The following ACSM5 variants were observed in gnomAD, a reference collection of about 807,000 sequenced individuals.
ACSM5 encodes acyl-CoA synthetase medium chain family member 5, also known as acyl-coenzyme A synthetase ACSM5, mitochondrial.
A neutral mutation model predicts 71.6 loss-of-function variants in ACSM5; 56 were observed. That is an observed-to-expected ratio of 0.78 (90% confidence interval 0.63 to 0.98). The LOEUF (loss-of-function observed/expected upper bound fraction) is 0.98. Among genes scored for constraint, ACSM5 ranks in the 50% least tolerant of loss-of-function variants. ACSM5 has a pLI of 0.00. For synonymous variants in ACSM5, 285 were observed against 281.5 expected (o/e 1.01, Z -0.12); for missense variants, 723 against 726.0 (o/e 1.00, Z 0.05).
Position 20,436,979 on chromosome 16 carries a change from G to C in ACSM5, c.1309-73G>C, listed in dbSNP as rs866678445. On this transcript the variant is annotated intron_variant, in intron 10 of 13. Transcript: ENST00000331849. The stretch of plus-strand genomic sequence containing the variant: ...TGAGTGGTCTCCAGCTTCCTACAGG[G>C]GGCTACTGGGGCAGTAACTGGCCTT... 1.3e-4 allele frequency: 192 copies of C among 1,526,452 alleles called. 1 individual carries two copies. The Middle Eastern group carries it at 4.5e-3, about 36-fold the overall frequency. 94.6% of individuals were successfully genotyped at this position (1,526,452 alleles called of 1,614,324 possible).
intron 4 of ACSM5, among the ~76,000 whole-genome samples, chr16:20,420,225 G>C (rs1398970940): frequency 6.6e-6 from 1 of 152,154 alleles, no homozygotes; most frequent in Admixed American, 6.5e-5. Context: ...CTGCTGTTTT[G>C]AATACAGATG....
chr16:20,419,385 G>T lies in ACSM5; in HGVS notation c.573G>T (p.Leu191=), dbSNP rs1380887416. The change falls in exon 4 of 14, where the codon CTG becomes CTT. Residue 191 remains leucine, a synonymous_variant. Transcript: ENST00000331849. ...AECPSLQTKL[L]VSDSSRPGWL... ...GCCCCTCCCTCCAGACCAAGCTGCT[G>T]GTGTCAGACAGCAGTCGGCCAGGCT... 1.2e-6 allele frequency: 2 copies of T among 1,614,200 alleles called. No individual in the cohort carries two copies. Among genetic ancestry groups the T allele is most frequent in the Non-Finnish European group, 1.7e-6 (2 of 1,180,026 alleles).
Position 20,420,453 on chromosome 16 carries a change from AG to A in ACSM5, c.624-804del, listed in dbSNP as rs1177748105. Among the ~76,000 whole-genome samples, 11 of 152,300 alleles carry A rather than the reference AG, an allele frequency of 7.2e-5. No homozygotes were observed. The East Asian group carries it at 2.1e-3, about 29-fold the overall frequency. ...CCGTCTCTACTAAAAATACAAAATT[AG>A]CTGGGCGTGGTGGCGCACGCCTATA... On this transcript the variant is annotated intron_variant, in intron 4 of 13. Coordinates refer to ENST00000331849, the MANE Select transcript of ACSM5 (RefSeq NM_017888.3).
chr16:20,420,154 G>A (rs913845325), intron 4 of ACSM5, among the ~76,000 whole-genome samples: 2 of 152,130 alleles, frequency 1.3e-5, no homozygotes, highest in African/African-American at 4.8e-5. Context: ...GCCTCTCAGG[G>A]GCCTGAACCA....
Position 20,419,432 on chromosome 16 carries a change from T to C in ACSM5, c.620T>C (p.Leu207Pro). 1 of 1,614,026 alleles carries C rather than the reference T, an allele frequency of 6.2e-7. No homozygotes were observed. Among genetic ancestry groups the C allele is most frequent in the Non-Finnish European group, 8.5e-7 (1 of 1,179,918 alleles). Residue 207 changes from leucine to proline, a missense_variant, in exon 4 of 14, where the codon CTC (leucine) becomes CCC (proline). Transcript: ENST00000331849. ...RPGWLNFREL[L>P]REASTEHNCM... The stretch of plus-strand genomic sequence containing the variant: ...GGCTGGTTGAACTTCAGGGAACTCC[T>C]CCGGTGAATTGGGGCTCTCCAGAAC...
intron 6 of ACSM5, among the ~76,000 whole-genome samples, chr16:20,426,551 GT>G (rs1327868946): frequency 1.3e-5 from 2 of 152,170 alleles, no homozygotes; most frequent in African/African-American, 2.4e-5. Context: ...TGGTGTATAT[GT>G]ACAATGGAAT....
In ACSM5 at chr16:20,418,213, T is replaced by C. The variant is rs776437744; in HGVS notation, c.359T>C (p.Leu120Pro). 6.2e-7 allele frequency: 1 copy of C among 1,612,606 alleles called. No homozygotes were observed. The highest frequency in any genetic ancestry group is 8.5e-7 in the Non-Finnish European group (1 of 1,179,850). ...CGLQPGDRMMLVLPRLPEWWL... is the reference protein window; with the variant it reads ...CGLQPGDRMMPVLPRLPEWWL... ...CTGCAGCCTGGGGACAGAATGATGC[T>C]GGTACTCCCACGGCTCCCGGAGTGG... The change falls in exon 3 of 14, where the codon CTG becomes CCG. Residue 120 changes from leucine (L) to proline (P), a missense_variant. Coordinates refer to ENST00000331849, the MANE Select transcript of ACSM5 (RefSeq NM_017888.3).
chr16:20,420,588 G>A (rs1054636898), intron 4 of ACSM5, among the ~76,000 whole-genome samples: 13 of 151,990 alleles, frequency 8.6e-5, no homozygotes, highest in African/African-American at 2.7e-4. Context: ...CAACAAAAGC[G>A]AAACACCATC....
chr16:20,429,662 T>C lies in ACSM5; in HGVS notation c.1002-16T>C. 6.2e-7 allele frequency: 1 copy of C among 1,613,750 alleles called. No homozygotes were observed. Among genetic ancestry groups the C allele is most frequent in the Non-Finnish European group, 8.5e-7 (1 of 1,179,824 alleles). On this transcript the variant is annotated splice_polypyrimidine_tract_variant and intron_variant, in intron 7 of 13. Coordinates refer to ENST00000331849, the MANE Select transcript of ACSM5 (RefSeq NM_017888.3). ...AGATCCTGACATAGGTGGCCTTGTT[T>C]TCCTGTCTGAGAAAGGTACCAGTTT...
chr16:20,431,369 G>A (rs372936210), intron 10 of ACSM5, 48 bp downstream of exon 10: 8 of 1,435,078 alleles, frequency 5.6e-6, no homozygotes, highest in Non-Finnish European at 6.9e-6. Context: ...TGTGTGCTAA[G>A]CATTGTGCAC....
At position 20,419,531 on chromosome 16, in the gene ACSM5, C is replaced by T. The variant is rs1026329530; in HGVS notation, c.623+96C>T. ...CATTGCTGATTCCACACATAGAGAG[C>T]GAATCAGAGAGGAGCACTCCCATTG... On this transcript the variant is annotated intron_variant, in intron 4 of 13. Coordinates refer to ENST00000331849, the MANE Select transcript of ACSM5 (RefSeq NM_017888.3). The T allele has an allele frequency of 2.6e-5, 33 of 1,245,434 alleles. No homozygotes were observed. The Admixed American group carries it at 2.7e-4, about 10-fold the overall frequency. The allele number at this position is 1,245,434 out of a possible 1,614,324, so 77.1% of individuals were successfully genotyped here.
chr16:20,410,556 C>T (rs1361773949), intron 1 of ACSM5, among the ~76,000 whole-genome samples: 4 of 151,980 alleles, frequency 2.6e-5, no homozygotes, highest in African/African-American at 9.7e-5. Flanking sequence ...ATAGTGAGAT[C>T]CTGTTTCTAC....
chr16:20,419,741 A>G (rs1026441285), intron 4 of ACSM5: 10 of 418,660 alleles, frequency 2.4e-5, no homozygotes, highest in African/African-American at 2.0e-4. Flanking sequence ...AGCACATAGC[A>G]GGTGGTCAGT....
chr16:20,421,354 C>G lies in ACSM5; in HGVS notation c.720C>G (p.Val240=). The change falls in exon 5 of 14, where the codon GTC becomes GTG. Residue 240 remains valine, a synonymous_variant. Coordinates refer to ENST00000331849, the MANE Select transcript of ACSM5 (RefSeq NM_017888.3). ...TSGTTGAPKM[V]EHSQSSYGLG... The stretch of plus-strand genomic sequence containing the variant: ...GAACCACCGGGGCCCCCAAGATGGT[C>G]GAGCACTCCCAGAGCAGCTACGGAC... The G allele has an allele frequency of 6.2e-7, 1 of 1,608,820 alleles. No homozygotes were observed. The highest frequency in any genetic ancestry group is 1.1e-5 in the South Asian group (1 of 90,170).
At chr16:20,412,017 T>A (rs1966848786) in intron 2 of ACSM5, 10 of 335,334 alleles carry the variant, frequency 3.0e-5, no homozygotes, top group Non-Finnish European at 5.7e-5. Flanking sequence ...CTGTCTTTGA[T>A]GTTTTTCTCT....
At chr16:20,412,881 G>T (rs190614737) in intron 2 of ACSM5, among the ~76,000 whole-genome samples, 1 of 152,336 alleles carries the variant, frequency 6.6e-6, no homozygotes, top group Non-Finnish European at 1.5e-5. Flanking sequence ...AAATGGCATT[G>T]TTAGTAGATA....
chr16:20,421,817 T>A (rs183406232), intron 5 of ACSM5, among the ~76,000 whole-genome samples: 39 of 151,880 alleles, frequency 2.6e-4, no homozygotes, highest in Non-Finnish European at 4.6e-4. Flanking sequence ...ATTTACTTTA[T>A]CTTTCCAAAT....
chr16:20,427,231 C>T (rs1966999491), intron 6 of ACSM5, among the ~76,000 whole-genome samples: 2 of 152,162 alleles, frequency 1.3e-5, no homozygotes, highest in African/African-American at 4.8e-5. Flanking sequence ...ACCCGGGAGG[C>T]AGAGGTTGCA....
Position 20,423,935 on chromosome 16 carries a change from G to T in ACSM5, c.787G>T (p.Glu263Ter). The T allele has an allele frequency of 1.2e-6, 2 of 1,614,026 alleles. No homozygotes were observed. Among genetic ancestry groups the T allele is most frequent in the Non-Finnish European group, 1.7e-6 (2 of 1,179,946 alleles). ...ASGRRWVALT[E>*]SDIFWNTTDT... ...TGGCAGACGGTGGGTGGCCTTGACCGAATCTGACATCTTCTGGAACACGAC... is the reference window on the plus strand; with the variant it reads ...TGGCAGACGGTGGGTGGCCTTGACCTAATCTGACATCTTCTGGAACACGAC... Residue 263 changes from glutamate (E) to a stop codon, truncating the protein, a stop_gained, in exon 6 of 14, where the codon GAA becomes TAA. Transcript: ENST00000331849. LOFTEE classifies it high-confidence loss of function.
Sources: allele counts gnomAD v4.1 joint callset (sites outside exome capture counted in the v4.1 genomes callset), GRCh38; gene constraint gnomAD v4.1.1; transcripts MANE v1.5; gene names NCBI Gene and HGNC (gene_info 2026-07-23, HGNC 2026-07-21).